Variants in PDE1C observed in about 807,000 individuals in gnomAD.
PDE1C encodes the protein dual specificity calcium/calmodulin-dependent 3',5'-cyclic nucleotide phosphodiesterase 1C.
PDE1C carries 62 observed loss-of-function variants against 93.1 expected under a neutral mutation model. The observed-to-expected ratio is 0.67, with a 90% CI of 0.54 to 0.82. PDE1C has a LOEUF of 0.82. PDE1C is among the 40% of genes least tolerant of loss of function. PDE1C has a pLI of 0.00. For synonymous variants in PDE1C, 325 were observed against 310.1 expected, an observed-to-expected ratio of 1.05 and a Z score of -0.50; for missense variants, 742 against 884.6, an observed-to-expected ratio of 0.84 and a Z score of 2.04.
intron 2 of PDE1C, among the ~76,000 whole-genome samples, chr7:31,936,286 C>T (rs1805057626): frequency 6.6e-6 from 1 of 152,122 alleles, no homozygotes; most frequent in Non-Finnish European, 1.5e-5. Flanking sequence ...GTCTTTGCTT[C>T]TACCACACCC....
At chr7:31,659,945 G>A in the PDE1C span, among the ~76,000 whole-genome samples, 5 of 152,136 alleles carry the variant, frequency 3.3e-5, no homozygotes, top group Non-Finnish European at 5.9e-5. Context: ...GGAGGGAACC[G>A]GTGGGAGGTA....
rs1554305690 is a variant in PDE1C at position 32,320,622 on chromosome 7, T to C, written c.310+107200A>G. Among the ~76,000 whole-genome samples, 7 of 149,660 alleles carry C rather than the reference T, an allele frequency of 4.7e-5. No homozygotes were observed. In the East Asian group the frequency reaches 5.9e-4, roughly 13 times the overall value. On this transcript the variant is annotated intron_variant, in intron 1 of 1. Transcript: ENST00000672256. The stretch of plus-strand genomic sequence containing the variant: ...CCCACCAGGTGCTTAGGCACACACA[T>C]ACACACACACACACACACACACACA...
chr7:32,070,890 G>A (rs79798026), upstream of PDE1C: 29 of 985,526 alleles, frequency 2.9e-5, no homozygotes, highest in African/African-American at 5.1e-4. Flanking sequence ...TGACCCGGAC[G>A]CCGCGCACCC....
intron 3 of PDE1C, among the ~76,000 whole-genome samples, chr7:32,118,643 A>T (rs1799122330): frequency 6.6e-6 from 1 of 152,274 alleles, no homozygotes; most frequent in East Asian, 1.9e-4. Context: ...AAACAAGCAC[A>T]CAAGACAGAG....
At chr7:32,219,564 C>A (rs781736786) in intron 1 of PDE1C, among the ~76,000 whole-genome samples, 1 of 152,170 alleles carries the variant, frequency 6.6e-6, no homozygotes, top group Non-Finnish European at 1.5e-5. Context: ...TGCCAGCAAT[C>A]GCTCCAAAGC....
chr7:32,410,864 C>A (rs1785156224), intron 1 of PDE1C, among the ~76,000 whole-genome samples: 1 of 152,188 alleles, frequency 6.6e-6, no homozygotes, highest in African/African-American at 2.4e-5. Context: ...GGCTGTCCAC[C>A]TTTGCTAGTC....
chr7:31,719,539 T>C, the PDE1C span, among the ~76,000 whole-genome samples: 11 of 152,352 alleles, frequency 7.2e-5, no homozygotes, highest in African/African-American at 1.9e-4. Context: ...TTATAATTTA[T>C]TGGTGCAATG....
chr7:31,753,487 A>C lies in PDE1C; in HGVS notation c.2027T>G (p.Val676Gly), dbSNP rs1270451545. ...AGGATGCTCATCAGTTTTCTTTGAG[A>C]CTGAAGGTGCATAGGAGCTAGATGC... is the stretch of plus-strand genomic sequence containing the variant. The part of the protein sequence containing the change: ...AYASSSYAPS[V>G]SKKTDEHPAR... The change falls in exon 18 of 18, where the codon GTC becomes GGC. Residue 676 changes from valine (V) to glycine (G), a missense_variant. Val to Gly is a moderately radical substitution (Grantham distance 109). Coordinates refer to ENST00000396191, the MANE Select transcript of PDE1C (RefSeq NM_001191057.4). The C allele has an allele frequency of 6.2e-7, 1 of 1,612,414 alleles. No individual in the cohort carries two copies. Among genetic ancestry groups the C allele is most frequent in the Non-Finnish European group, 8.5e-7 (1 of 1,179,716 alleles).
intron 1 of PDE1C, among the ~76,000 whole-genome samples, chr7:32,252,241 C>T (rs1809447567): frequency 6.6e-6 from 1 of 152,196 alleles, no homozygotes; most frequent in African/African-American, 2.4e-5. Flanking sequence ...TCAGTAACTA[C>T]TTCCTGACCA....
At chr7:31,827,403 G>A (rs926916096) in intron 12 of PDE1C, among the ~76,000 whole-genome samples, 13 of 152,122 alleles carry the variant, frequency 8.5e-5, no homozygotes, top group African/African-American at 2.4e-4. Context: ...GTACCTTATC[G>A]TACTAGGTAC....
the PDE1C span, among the ~76,000 whole-genome samples, chr7:31,663,116 G>A: frequency 5.9e-5 from 9 of 152,078 alleles, no homozygotes; most frequent in South Asian, 2.1e-4. Context: ...GCTATTACCC[G>A]TCTGTGAATC....
chr7:31,629,387 T>C, the PDE1C span, among the ~76,000 whole-genome samples: 1 of 152,166 alleles, frequency 6.6e-6, no homozygotes, highest in South Asian at 2.1e-4. Flanking sequence ...AAACCCCTGA[T>C]TACTCCATGC....
chr7:32,134,329 G>A (rs1379767406), intron 3 of PDE1C, among the ~76,000 whole-genome samples: 1 of 152,098 alleles, frequency 6.6e-6, no homozygotes, highest in Non-Finnish European at 1.5e-5. Flanking sequence ...ATTCAAGAAA[G>A]CCACACATAT....
chr7:32,310,269 C>G (rs922349414), intron 1 of PDE1C, among the ~76,000 whole-genome samples: 1 of 151,896 alleles, frequency 6.6e-6, no homozygotes, highest in Non-Finnish European at 1.5e-5. Context: ...GAGTGACCTA[C>G]AAAGAGACTT....
rs951604677 is a variant in PDE1C, at chr7:31,755,548, TAGAGCC to T, written c.1961-2001_1961-1996del. The stretch of plus-strand genomic sequence containing the variant: ...TACAAGAAGTACCTGAAGCATCTTG[TAGAGCC>T]AGAAAATTTGAAGTGTTCAAAAAAA... On this transcript the variant is annotated intron_variant, in intron 17 of 17. Coordinates refer to ENST00000396191, the MANE Select transcript of PDE1C (RefSeq NM_001191057.4). Among the ~76,000 whole-genome samples, 67 of 148,188 alleles carry T rather than the reference TAGAGCC, an allele frequency of 4.5e-4. 1 individual carries two copies. Among genetic ancestry groups the T allele is most frequent in the African/African-American group, 1.6e-3 (65 of 39,910 alleles).
At chr7:31,839,272 TA>T (rs1358223741) in intron 9 of PDE1C, among the ~76,000 whole-genome samples, 3 of 150,450 alleles carry the variant, frequency 2.0e-5, no homozygotes, top group African/African-American at 7.3e-5. Context: ...ATACACACAT[TA>T]TTTTAAAATA....
Position 31,753,324 on chromosome 7 carries a change from G to A in PDE1C, c.*60C>T, listed in dbSNP as rs1164314954. The A allele has an allele frequency of 3.2e-6, 5 of 1,568,516 alleles. No homozygotes were observed. The African/African-American group carries it at 6.8e-5, about 21-fold the overall frequency. Reference sequence around the variant, plus strand: ...TTGGAGGTGTGTCCTGCTGTGGCCAGTGGGTGCTGAGAAGCAGATAGGTAG... The same window carrying A: ...TTGGAGGTGTGTCCTGCTGTGGCCAATGGGTGCTGAGAAGCAGATAGGTAG... On this transcript the variant is annotated 3_prime_UTR_variant, in exon 18 of 18. Transcript: ENST00000396191.
intron 1 of PDE1C, among the ~76,000 whole-genome samples, chr7:32,280,550 AAAC>A (rs767513750): frequency 6.6e-6 from 1 of 152,222 alleles, no homozygotes; most frequent in Non-Finnish European, 1.5e-5. Flanking sequence ...ATGAAAACAG[AAAC>A]ATACTCTATT....
At chr7:31,837,068 C>G in intron 11 of PDE1C, 112 bp downstream of exon 11, 3 of 1,055,358 alleles carry the variant, frequency 2.8e-6, no homozygotes, top group Non-Finnish European at 4.0e-6. Flanking sequence ...GCCCCCCTCC[C>G]CTCTCCAAAA....
Sources: gnomAD v4.1 joint callset for allele counts (sites outside exome capture counted in the v4.1 genomes callset) on GRCh38, gnomAD v4.1.1 for gene constraint, MANE v1.5 for transcripts, NCBI Gene and HGNC (gene_info 2026-07-23, HGNC 2026-07-21) for gene names.